The following MACF1 variants were observed in gnomAD, a reference collection of about 807,000 sequenced individuals.
MACF1 encodes microtubule-actin cross-linking factor 1.
A neutral mutation model predicts 854.8 loss-of-function variants in MACF1; 193 were observed. The observed-to-expected ratio is 0.23, with a 90% CI of 0.20 to 0.25. MACF1 has a LOEUF of 0.25. Among genes scored for constraint, MACF1 ranks in the 10% least tolerant of loss-of-function variants. The pLI, the probability that MACF1 is intolerant of heterozygous loss-of-function variation, is 1.00. For missense variants in MACF1, 7,722 were observed against 8,929.1 expected, an observed-to-expected ratio of 0.86 and a Z score of 5.45; for synonymous variants, 3,185 against 3,226.7, an observed-to-expected ratio of 0.99 and a Z score of 0.44.
intron 58 of MACF1, chr1:39,411,964 G>A (rs1358131887): frequency 1.2e-6 from 2 of 1,613,890 alleles, no homozygotes; most frequent in African/African-American, 1.3e-5. Context: ...CACTTCCACT[G>A]TTAGCAAGGA....
intron 2 of MACF1, among the ~76,000 whole-genome samples, chr1:39,115,490 G>T (rs1301791247): frequency 1.3e-5 from 2 of 151,876 alleles, no homozygotes; most frequent in Non-Finnish European, 2.9e-5. Context: ...GAGGAGGAAG[G>T]TTATTTTCTG....
At chr1:39,456,552 A>G (rs1399187019) in intron 89 of MACF1, among the ~76,000 whole-genome samples, 1 of 152,200 alleles carries the variant, frequency 6.6e-6, no homozygotes, top group Non-Finnish European at 1.5e-5. Context: ...GCCAGGATGT[A>G]ACTTCATCGT....
intron 2 of MACF1, among the ~76,000 whole-genome samples, chr1:39,096,991 C>G (rs1308484630): frequency 1.3e-5 from 2 of 151,556 alleles, no homozygotes; most frequent in East Asian, 3.9e-4. Flanking sequence ...ATTCTCCTGC[C>G]TTGGCCTCCT....
chr1:39,085,772 A>G (rs1317591976), intron 2 of MACF1, among the ~76,000 whole-genome samples: 1 of 152,118 alleles, frequency 6.6e-6, no homozygotes, highest in East Asian at 1.9e-4. Context: ...CAGCATAAAG[A>G]CCCATCAAAA....
At chr1:39,381,718 T>C (rs972431284) in intron 55 of MACF1, among the ~76,000 whole-genome samples, 2 of 152,094 alleles carry the variant, frequency 1.3e-5, no homozygotes, top group Non-Finnish European at 2.9e-5. Flanking sequence ...TAGTCCCAGC[T>C]ACTTGGGACG....
chr1:39,290,597 GTTT>G (rs71060306), intron 15 of MACF1, among the ~76,000 whole-genome samples: 2,027 of 118,362 alleles, frequency 0.017, 31 homozygotes, highest in African/African-American at 0.052. Context: ...GGGTAAATCT[GTTT>G]TTTTTTTTTT....
At chr1:39,354,416 A>T (rs533737690) in intron 44 of MACF1, among the ~76,000 whole-genome samples, 4 of 151,756 alleles carry the variant, frequency 2.6e-5, no homozygotes, top group East Asian at 1.9e-4. Context: ...TTATTTATTT[A>T]TTTTTTGAGA....
At chr1:39,273,792 G>A (rs1360127180) in intron 6 of MACF1, among the ~76,000 whole-genome samples, 4 of 152,042 alleles carry the variant, frequency 2.6e-5, no homozygotes, top group East Asian at 1.9e-4. Context: ...GGGTTTCACC[G>A]TGTTAGCCAG....
At chr1:39,119,317 C>CAAAAAAAA (rs745686071) in intron 2 of MACF1, among the ~76,000 whole-genome samples, 2 of 84,756 alleles carry the variant, frequency 2.4e-5, no homozygotes, top group African/African-American at 4.6e-5. Context: ...AACTCCGTCT[C>CAAAAAAAA]AAAAAAAAAA....
In MACF1 at chr1:39,285,664, A is replaced by G; in HGVS notation, c.1414A>G (p.Ile472Val). The G allele has an allele frequency of 6.2e-7, 1 of 1,614,048 alleles. No individual in the cohort carries two copies. Among genetic ancestry groups the G allele is most frequent in the East Asian group, 2.2e-5 (1 of 44,864 alleles). ...VQCESDVIMYIQECEGLIRQL... is the reference protein window; with the variant it reads ...VQCESDVIMYVQECEGLIRQL... ...ATGTGAGTCAGATGTCATTATGTAC[A>G]TTCAGGAGTGTGAAGGTCTCATCAG... is the stretch of plus-strand genomic sequence containing the variant. Residue 472 changes from isoleucine (I) to valine (V), a missense_variant, in exon 14 of 101, where the codon ATT becomes GTT. This residue lies in a region of MACF1 where 1,137 missense variants were observed against 1,263.0 expected (regional missense o/e 0.90). Coordinates refer to ENST00000564288, the MANE Select transcript of MACF1 (RefSeq NM_001394062.1).
At chr1:39,188,968 G>A (rs1459298763) in intron 2 of MACF1, among the ~76,000 whole-genome samples, 2 of 152,142 alleles carry the variant, frequency 1.3e-5, no homozygotes, top group Non-Finnish European at 2.9e-5. Context: ...GAACTCTTGA[G>A]CTCAGGTGAT....
chr1:39,374,911 C>T (rs1649577493), intron 52 of MACF1, among the ~76,000 whole-genome samples: 1 of 151,990 alleles, frequency 6.6e-6, no homozygotes, highest in Admixed American at 6.6e-5. Context: ...GTGATCGAGA[C>T]CATCCTGGCT....
chr1:39,386,245 C>CTT (rs59189873), intron 57 of MACF1, among the ~76,000 whole-genome samples: 5,298 of 143,060 alleles, frequency 0.037, 340 homozygotes, highest in African/African-American at 0.12. Flanking sequence ...TTGATACCCA[C>CTT]TTTTTTTTTT....
intron 2 of MACF1, among the ~76,000 whole-genome samples, chr1:39,245,471 G>T (rs1174704118): frequency 6.6e-6 from 1 of 152,108 alleles, no homozygotes; most frequent in African/African-American, 2.4e-5. Flanking sequence ...TGGAGACAGG[G>T]TTTTGTCATG....
At chr1:39,087,553 A>G (rs185932131) in intron 2 of MACF1, among the ~76,000 whole-genome samples, 2 of 152,300 alleles carry the variant, frequency 1.3e-5, no homozygotes, top group East Asian at 3.9e-4. Flanking sequence ...TTTGCCAGCC[A>G]TATTCTCAAC....
chr1:39,255,986 GC>G (rs1645092564), intron 5 of MACF1, among the ~76,000 whole-genome samples: 1 of 152,230 alleles, frequency 6.6e-6, no homozygotes, highest in South Asian at 2.1e-4. Context: ...GATTACTAGA[GC>G]CGTTCTTGGT....
At position 39,413,992 on chromosome 1, in the gene MACF1, TC is replaced by T. The variant is rs747156439; in HGVS notation, c.15817-8378del. ...AGTGTCCAACCCAGAGGAGCCCACC[TC>T]CCCAGCAGCAGCAGTGCCCACCCTA... On this transcript the variant is annotated intron_variant, in intron 58 of 100. Coordinates refer to ENST00000564288, the MANE Select transcript of MACF1 (RefSeq NM_001394062.1). 4 of 1,606,560 alleles carry T rather than the reference TC, an allele frequency of 2.5e-6. No individual in the cohort carries two copies. In the South Asian group the frequency reaches 4.4e-5, roughly 18 times the overall value.
chr1:39,329,066 A>G (rs372658049), intron 36 of MACF1, among the ~76,000 whole-genome samples: 60 of 152,364 alleles, frequency 3.9e-4, no homozygotes, highest in African/African-American at 1.4e-3. Flanking sequence ...TTTTTCAGTT[A>G]TCACATTCCA....
intron 69 of MACF1, among the ~76,000 whole-genome samples, chr1:39,435,156 T>C (rs1256944840): frequency 2.0e-5 from 3 of 152,236 alleles, no homozygotes; most frequent in Non-Finnish European, 4.4e-5. Flanking sequence ...AAAATGTTGC[T>C]ATTCATAGCT....
Sources: gnomAD v4.1 joint callset for allele counts (sites outside exome capture counted in the v4.1 genomes callset) on GRCh38, gnomAD v4.1.1 for gene constraint, gnomAD v4.1.1 regional missense constraint, MANE v1.5 for transcripts, NCBI Gene and HGNC (gene_info 2026-07-23, HGNC 2026-07-21) for gene names.